ADAP2: variants seen among roughly 807,000 people sequenced by gnomAD.
ADAP2 encodes arf-GAP with dual PH domain-containing protein 2.
Under a neutral mutation model 54.9 loss-of-function variants are expected in ADAP2, and 42 were observed. That is an observed-to-expected ratio of 0.77 (90% confidence interval 0.60 to 0.99). ADAP2 has a LOEUF of 0.99. Ranked by LOEUF, ADAP2 falls within the 50% of genes least tolerant of loss-of-function variation. ADAP2 has a pLI of 0.00. For synonymous variants in ADAP2, 177 were observed against 180.1 expected (o/e 0.98, Z 0.14); for missense variants, 429 against 480.4 (o/e 0.89, Z 1.00).
chr17:30,952,084 C>T (rs989689824), intron 7 of ADAP2, among the ~76,000 whole-genome samples: 1 of 152,156 alleles, frequency 6.6e-6, no homozygotes, highest in Admixed American at 6.5e-5. Flanking sequence ...TTCTTTGAAG[C>T]CTGGACTGTC....
chr17:30,956,546 C>A, intron 10 of ADAP2, 77 bp downstream of exon 10: 1 of 1,269,516 alleles, frequency 7.9e-7, no homozygotes, highest in Non-Finnish European at 1.1e-6. Flanking sequence ...TTAGGTTCAG[C>A]TTTGATACCA....
intron 3 of ADAP2, among the ~76,000 whole-genome samples, chr17:30,928,535 C>T (rs938299246): frequency 3.3e-5 from 5 of 152,100 alleles, no homozygotes; most frequent in Admixed American, 6.6e-5. Flanking sequence ...TTAAGTACTA[C>T]GCCCTGTGCA....
At chr17:30,945,533 C>G (rs1172717423) in intron 6 of ADAP2, among the ~76,000 whole-genome samples, 1 of 152,118 alleles carries the variant, frequency 6.6e-6, no homozygotes, top group African/African-American at 2.4e-5. Context: ...AGGTGGATCA[C>G]TTGAACCCAG....
At chr17:30,933,634 G>A (rs544407800) in intron 4 of ADAP2, among the ~76,000 whole-genome samples, 1 of 152,194 alleles carries the variant, frequency 6.6e-6, no homozygotes, top group Non-Finnish European at 1.5e-5. Flanking sequence ...TGAGTAGCTG[G>A]GATTACAGGC....
chr17:30,929,796 A>G (rs1191614413), intron 3 of ADAP2, among the ~76,000 whole-genome samples: 1 of 152,194 alleles, frequency 6.6e-6, no homozygotes, highest in African/African-American at 2.4e-5. Flanking sequence ...TCCTCGGCTC[A>G]AGTGATCCTC....
At chr17:30,931,154 A>G (rs1344693545) in intron 3 of ADAP2, among the ~76,000 whole-genome samples, 1 of 152,136 alleles carries the variant, frequency 6.6e-6, no homozygotes, top group African/African-American at 2.4e-5. Flanking sequence ...TCATGAACAC[A>G]CAGTGGGAGC....
chr17:30,953,456 A>C (rs1904831800), intron 8 of ADAP2, 106 bp downstream of exon 8: 1 of 1,216,248 alleles, frequency 8.2e-7, no homozygotes, highest in Non-Finnish European at 1.2e-6. Context: ...GTGTTAGGCC[A>C]AGCTTGTCCA....
intron 6 of ADAP2, among the ~76,000 whole-genome samples, chr17:30,948,882 G>T (rs185220687): frequency 6.6e-5 from 10 of 152,320 alleles, no homozygotes; most frequent in Admixed American, 6.5e-4. Context: ...CTGACTAGCA[G>T]CATCATATCA....
At chr17:30,931,531 T>G (rs1911481557) in intron 3 of ADAP2, among the ~76,000 whole-genome samples, 1 of 152,078 alleles carries the variant, frequency 6.6e-6, no homozygotes, top group Non-Finnish European at 1.5e-5. Context: ...CTGCAGGGTC[T>G]TGGAAAAGAA....
Position 30,926,886 on chromosome 17 carries a change from T to C in ADAP2, c.285T>C (p.Ala95=). ...CCAAGTTCGAAGCCAGAGTCCCAGCTTTCTACTACATCCCCCAGGCCAACG... is the reference window on the plus strand; with the variant it reads ...CCAAGTTCGAAGCCAGAGTCCCAGCCTTCTACTACATCCCCCAGGCCAACG... ...VKAKFEARVP[A]FYYIPQANDC... is the part of the protein sequence containing the mutation. The change falls in exon 3 of 11, where the codon GCT becomes GCC. Residue 95 remains alanine (A), a synonymous_variant. Coordinates refer to ENST00000330889, the MANE Select transcript of ADAP2 (RefSeq NM_018404.3). 3 of 1,614,224 alleles carry C rather than the reference T, an allele frequency of 1.9e-6. No homozygotes were observed. Among genetic ancestry groups the C allele is most frequent in the Non-Finnish European group, 2.5e-6 (3 of 1,180,036 alleles).
rs572199599 is a variant in ADAP2 at position 30,921,997 on chromosome 17, G to A, written c.-18G>A. On this transcript the variant is annotated 5_prime_UTR_variant, in exon 1 of 11. Transcript: ENST00000330889. Reference sequence around the variant, plus strand: ...CACGGGCCATGGGCTGAGCCCCGCTGAGCCCGCCGGGCCGGCCATGGGCGA... The same window carrying A: ...CACGGGCCATGGGCTGAGCCCCGCTAAGCCCGCCGGGCCGGCCATGGGCGA... 1.0e-5 allele frequency: 13 copies of A among 1,265,622 alleles called. No individual in the cohort carries two copies. In the African/African-American group the frequency reaches 1.6e-4, roughly 15 times the overall value. The allele number at this position is 1,265,622 out of a possible 1,614,324, so 78.4% of individuals were successfully genotyped here.
intron 4 of ADAP2, among the ~76,000 whole-genome samples, chr17:30,932,701 C>T (rs1441740792): frequency 6.6e-6 from 1 of 151,686 alleles, no homozygotes; most frequent in Non-Finnish European, 1.5e-5. Flanking sequence ...CCTCAGCCTC[C>T]TGAGTAGCTG....
chr17:30,954,604 G>A, intron 9 of ADAP2, 49 bp downstream of exon 9: 1 of 1,489,222 alleles, frequency 6.7e-7, no homozygotes. Flanking sequence ...AACATTGCTG[G>A]GTGGTGCTTG....
chr17:30,954,108 G>A (rs1220754412), intron 8 of ADAP2: 3 of 185,162 alleles, frequency 1.6e-5, no homozygotes, highest in Non-Finnish European at 3.4e-5. Context: ...CCCTGACCTA[G>A]GTTAGAATTT....
intron 7 of ADAP2, among the ~76,000 whole-genome samples, chr17:30,950,409 C>T (rs1904545166): frequency 6.6e-6 from 1 of 152,148 alleles, no homozygotes. Flanking sequence ...TGCTCACTTG[C>T]TGTGTGACCC....
At chr17:30,941,492 A>T (rs1271412396) in intron 5 of ADAP2, among the ~76,000 whole-genome samples, 1 of 152,184 alleles carries the variant, frequency 6.6e-6, no homozygotes, top group African/African-American at 2.4e-5. Context: ...TTCTTGCTTC[A>T]ATTTTAGCAG....
intron 2 of ADAP2, among the ~76,000 whole-genome samples, chr17:30,925,013 C>T (rs1243826416): frequency 1.3e-5 from 2 of 151,506 alleles, no homozygotes; most frequent in Non-Finnish European, 2.9e-5. Flanking sequence ...ACTAGGATTA[C>T]AGGCATGCAC....
chr17:30,954,748 G>A (rs1305555164), intron 9 of ADAP2, among the ~76,000 whole-genome samples, 193 bp downstream of exon 9: 3 of 152,108 alleles, frequency 2.0e-5, no homozygotes, highest in African/African-American at 4.8e-5. Flanking sequence ...GCTTCTCCTC[G>A]CTTTCAGGAA....
At chr17:30,944,845 A>G in intron 5 of ADAP2, 62 bp from the exon 6 acceptor site, 1 of 1,531,438 alleles carries the variant, frequency 6.5e-7, no homozygotes, top group Non-Finnish European at 8.9e-7. Context: ...GGCCTTGGTG[A>G]AGGTTGACCA....
Sources: gnomAD v4.1 joint callset for allele counts (sites outside exome capture counted in the v4.1 genomes callset) on GRCh38, gnomAD v4.1.1 for gene constraint, MANE v1.5 for transcripts, NCBI Gene and HGNC (gene_info 2026-07-23, HGNC 2026-07-21) for gene names.